SLF2: variants seen among roughly 807,000 people sequenced by gnomAD.
The protein encoded by SLF2 is SMC5/6 complex localization factor 2.
In SLF2, 68 loss-of-function variants were observed where a neutral mutation model predicts 124.3. The ratio of observed to expected loss-of-function variants is 0.55; its 90% confidence interval spans 0.45 to 0.67. The LOEUF (loss-of-function observed/expected upper bound fraction) is 0.67, where lower values mean the gene tolerates loss of function less well. SLF2 is among the 30% of genes least tolerant of loss of function. The pLI, the probability that SLF2 is intolerant of heterozygous loss-of-function variation, is 0.00. For missense variants in SLF2, 1,246 were observed against 1,373.7 expected, an observed-to-expected ratio of 0.91 and a Z score of 1.47; for synonymous variants, 480 against 478.8, an observed-to-expected ratio of 1.00 and a Z score of -0.03.
At position 100,963,881 on chromosome 10, in the gene SLF2, T is replaced by G. The variant is rs576481041; in HGVS notation, c.*1969T>G. ...ATACATTTTTATTTAACAGTTCCAATAAGAAAAAAATCTCTATTTTTAATT... is the reference window on the plus strand; with the variant it reads ...ATACATTTTTATTTAACAGTTCCAAGAAGAAAAAAATCTCTATTTTTAATT... On this transcript the variant is annotated 3_prime_UTR_variant, in exon 20 of 20. Coordinates refer to ENST00000238961, the MANE Select transcript of SLF2 (RefSeq NM_018121.4). The G allele has an allele frequency of 2.0e-5, 3 of 152,508 alleles. No homozygotes were observed. In the South Asian group the frequency reaches 6.2e-4, roughly 32 times the overall value. 9.4% of individuals were successfully genotyped at this position (152,508 alleles called of 1,614,324 possible). A position where few individuals can be genotyped will look rare whatever the true frequency, so the allele number is the denominator to read the frequency against.
chr10:100,933,205 C>A (rs867816046), intron 9 of SLF2, among the ~76,000 whole-genome samples: 3 of 152,160 alleles, frequency 2.0e-5, no homozygotes, highest in African/African-American at 7.2e-5. Flanking sequence ...TTGCATTTAT[C>A]TATGTTAATT....
At chr10:100,943,075 C>T (rs1214402669) in intron 11 of SLF2, among the ~76,000 whole-genome samples, 1 of 152,200 alleles carries the variant, frequency 6.6e-6, no homozygotes, top group Non-Finnish European at 1.5e-5. Flanking sequence ...AAAGTTTCAG[C>T]CTTCTAGTCA....
chr10:100,957,156 G>A (rs1321105872), intron 18 of SLF2, among the ~76,000 whole-genome samples: 1 of 152,000 alleles, frequency 6.6e-6, no homozygotes, highest in Non-Finnish European at 1.5e-5. Flanking sequence ...AAACCTTCAT[G>A]CTTAAGTTAC....
At chr10:100,940,281 C>G (rs1360273541) in intron 11 of SLF2, among the ~76,000 whole-genome samples, 6 of 152,176 alleles carry the variant, frequency 3.9e-5, no homozygotes, top group Middle Eastern at 3.2e-3. Context: ...ACAAGCTTAA[C>G]AAAAGTGATC....
intron 18 of SLF2, among the ~76,000 whole-genome samples, chr10:100,956,752 C>G (rs968454270): frequency 6.6e-6 from 1 of 151,940 alleles, no homozygotes. Context: ...TAGCAAGACT[C>G]CATCTCTACA....
intron 3 of SLF2, among the ~76,000 whole-genome samples, chr10:100,917,620 A>G (rs1157129965): frequency 6.6e-6 from 1 of 152,122 alleles, no homozygotes; most frequent in East Asian, 1.9e-4. Context: ...TCTGTTGCTC[A>G]TGCTGGAGTG....
At position 100,962,054 on chromosome 10, in the gene SLF2, C is replaced by T; in HGVS notation, c.*142C>T. The T allele has an allele frequency of 1.4e-6, 1 of 698,706 alleles. No homozygotes were observed. The highest frequency in any genetic ancestry group is 2.6e-5 in the South Asian group (1 of 38,708). The allele number at this position is 698,706 out of a possible 1,614,324, so 43.3% of individuals were successfully genotyped here. A position where few individuals can be genotyped will look rare whatever the true frequency, so the allele number is the denominator to read the frequency against. ...TGCCACTTGAATATCTAGTATGAAG[C>T]TGGTAATGAAGAAATTGCCATTTCT... On this transcript the variant is annotated 3_prime_UTR_variant, in exon 20 of 20. Coordinates refer to ENST00000238961, the MANE Select transcript of SLF2 (RefSeq NM_018121.4).
chr10:100,913,363 G>A (rs1382209294), intron 1 of SLF2, 113 bp downstream of exon 1: 1 of 1,372,724 alleles, frequency 7.3e-7, no homozygotes, highest in African/African-American at 1.5e-5. Context: ...CTCAGGCGTT[G>A]GCATTTCGGG....
In SLF2 at chr10:100,917,143, G is replaced by C; in HGVS notation, c.758G>C (p.Arg253Thr). 2 of 1,614,156 alleles carry C rather than the reference G, an allele frequency of 1.2e-6. No individual in the cohort carries two copies. Among genetic ancestry groups the C allele is most frequent in the Non-Finnish European group, 1.7e-6 (2 of 1,180,050 alleles). Residue 253 changes from arginine (R) to threonine (T), a missense_variant, in exon 3 of 20, where the codon AGA becomes ACA. Around this residue, in one of 3 missense-constraint regions of SLF2, gnomAD observed 698 missense variants for 708.9 expected, o/e 0.98. Transcript: ENST00000238961. ...YCRERELKRL[R>T]KEQMEQRINS... The stretch of plus-strand genomic sequence containing the variant: ...AGAGAACGAGAACTAAAGAGGTTGA[G>C]AAAGGAGCAAATGGAGCAGAGAATC...
Position 100,929,293 on chromosome 10 carries a change from TATAAC to T in SLF2, c.2043-21_2043-17del. The stretch of plus-strand genomic sequence containing the variant: ...TAAAAATATTTTTAGAGTAAACTGT[TATAAC>T]ATTCTTTCCAATTCTCAGGCTAGAT... On this transcript the variant is annotated intron_variant, in intron 6 of 19. Coordinates refer to ENST00000238961, the MANE Select transcript of SLF2 (RefSeq NM_018121.4). The T allele has an allele frequency of 6.3e-7, 1 of 1,591,270 alleles. No individual in the cohort carries two copies. Among genetic ancestry groups the T allele is most frequent in the East Asian group, 2.3e-5 (1 of 44,380 alleles).
intron 9 of SLF2, among the ~76,000 whole-genome samples, chr10:100,935,890 G>T (rs1309946573): frequency 4.6e-5 from 5 of 107,540 alleles, no homozygotes; most frequent in Admixed American, 1.3e-4. Flanking sequence ...ACAGGGTCTT[G>T]CTCTGTCACC....
rs1335222930 is a variant in SLF2 at position 100,962,758 on chromosome 10, C to T, written c.*846C>T. On this transcript the variant is annotated 3_prime_UTR_variant, in exon 20 of 20. Coordinates refer to ENST00000238961, the MANE Select transcript of SLF2 (RefSeq NM_018121.4). Reference sequence around the variant, plus strand: ...GTCTATATTGTAAAAGCCTAAAGATCTGGACAAGTTTCCAACAACCTTGTT... The same window carrying T: ...GTCTATATTGTAAAAGCCTAAAGATTTGGACAAGTTTCCAACAACCTTGTT... 4 of 152,512 alleles carry T rather than the reference C, an allele frequency of 2.6e-5. No homozygotes were observed. Among genetic ancestry groups the T allele is most frequent in the African/African-American group, 9.7e-5 (4 of 41,400 alleles). The allele number at this position is 152,512 out of a possible 1,614,324, so 9.4% of individuals were successfully genotyped here. A position where few individuals can be genotyped will look rare whatever the true frequency, so the allele number is the denominator to read the frequency against.
chr10:100,926,417 A>G (rs1251724695), intron 6 of SLF2: 2 of 723,288 alleles, frequency 2.8e-6, no homozygotes, highest in Non-Finnish European at 4.2e-6. Context: ...TAGCCTGGGC[A>G]ACATGGTGAA....
At chr10:100,923,840 T>C (rs1403117788) in intron 4 of SLF2, 135 bp from the exon 5 acceptor site, 1 of 586,398 alleles carries the variant, frequency 1.7e-6, no homozygotes, top group Admixed American at 3.8e-5. Context: ...TTTTCTGCAT[T>C]CCATATATGG....
At chr10:100,945,047 A>G (rs1028109410) in intron 12 of SLF2, among the ~76,000 whole-genome samples, 7 of 152,166 alleles carry the variant, frequency 4.6e-5, no homozygotes, top group Non-Finnish European at 1.0e-4. Flanking sequence ...AGAAGATAAA[A>G]AAAAAAAGAG....
chr10:100,915,960 AT>A (rs1385492144), intron 1 of SLF2, 38 bp from the exon 2 acceptor site: 1 of 1,475,644 alleles, frequency 6.8e-7, no homozygotes, highest in Non-Finnish European at 9.4e-7. Flanking sequence ...AGGTTTTAAT[AT>A]TTGCTTATAT....
At chr10:100,940,418 G>C (rs1391803547) in intron 11 of SLF2, among the ~76,000 whole-genome samples, 2 of 152,262 alleles carry the variant, frequency 1.3e-5, no homozygotes, top group African/African-American at 4.8e-5. Context: ...GGAGTGCAGT[G>C]ACACAATCTC....
chr10:100,914,452 T>C (rs1176932656), intron 1 of SLF2, among the ~76,000 whole-genome samples: 1 of 152,186 alleles, frequency 6.6e-6, no homozygotes, highest in Non-Finnish European at 1.5e-5. Flanking sequence ...TTTTTCTCTT[T>C]CTGGTGTATT....
At chr10:100,931,863 G>T (rs1849741882) in intron 9 of SLF2, among the ~76,000 whole-genome samples, 1 of 151,990 alleles carries the variant, frequency 6.6e-6, no homozygotes. Flanking sequence ...GTGGTGGTGG[G>T]CACTTGTAAT....
Sources: gnomAD v4.1 joint callset for allele counts (sites outside exome capture counted in the v4.1 genomes callset) on GRCh38, gnomAD v4.1.1 for gene constraint, gnomAD v4.1.1 regional missense constraint, MANE v1.5 for transcripts, NCBI Gene and HGNC (gene_info 2026-07-23, HGNC 2026-07-21) for gene names.